Variants in TMEM132D observed in about 807,000 individuals in gnomAD.
TMEM132D encodes transmembrane protein 132D, also known as mature OL transmembrane protein.
A neutral mutation model predicts 62.3 loss-of-function variants in TMEM132D; 21 were observed. The observed-to-expected ratio is 0.34, with a 90% CI of 0.24 to 0.49. The LOEUF is 0.49. Ranked by LOEUF, TMEM132D falls within the 20% of genes least tolerant of loss-of-function variation. The pLI, the probability that TMEM132D is intolerant of heterozygous loss-of-function variation, is 0.99. For synonymous variants in TMEM132D, 621 were observed against 575.6 expected, an observed-to-expected ratio of 1.08 and a Z score of -1.13; for missense variants, 1,346 against 1,402.8, an observed-to-expected ratio of 0.96 and a Z score of 0.65.
intron 4 of TMEM132D, among the ~76,000 whole-genome samples, chr12:129,317,880 C>G (rs921321736): frequency 6.6e-6 from 1 of 152,048 alleles, no homozygotes; most frequent in South Asian, 2.1e-4. Flanking sequence ...TGGGTTAATT[C>G]AAAGATCTTG....
In TMEM132D at chr12:129,615,382, A is replaced by G. The variant is rs147047452; in HGVS notation, c.969-84177T>C. 3.2e-3 allele frequency among the ~76,000 whole-genome samples: 482 copies of G among 152,172 alleles called. 1 individual carries two copies. Among genetic ancestry groups the G allele is most frequent in the Admixed American group, 5.0e-3 (77 of 15,288 alleles). On this transcript the variant is annotated intron_variant, in intron 2 of 8. Transcript: ENST00000422113. Reference sequence around the variant, plus strand: ...GTTACAAAAGGAGGGTTTTCAGTTCATCGTCACAGATATGGTGACTTTGGC... The same window carrying G: ...GTTACAAAAGGAGGGTTTTCAGTTCGTCGTCACAGATATGGTGACTTTGGC...
chr12:129,444,501 A>T (rs968104144), intron 3 of TMEM132D, among the ~76,000 whole-genome samples: 5 of 152,208 alleles, frequency 3.3e-5, no homozygotes, highest in Non-Finnish European at 5.9e-5. Context: ...ATACATGTGC[A>T]GGTTTGTTAC....
At chr12:129,409,715 A>G (rs118111599) in intron 3 of TMEM132D, among the ~76,000 whole-genome samples, 1 of 152,358 alleles carries the variant, frequency 6.6e-6, no homozygotes, top group Admixed American at 6.5e-5. Flanking sequence ...ACTTATAAAC[A>G]GTAAAGAGTA....
At position 129,665,197 on chromosome 12, in the gene TMEM132D, TG is replaced by T. The variant is rs113335816; in HGVS notation, c.968+34612del. ...CCCAGCTTGGTTGATGGGGAGCAGG[TG>T]GGGGGGGCATCTTGGGGGTGGCAAT... On this transcript the variant is annotated intron_variant, in intron 2 of 8. Coordinates refer to ENST00000422113, the MANE Select transcript of TMEM132D (RefSeq NM_133448.3). Among the ~76,000 whole-genome samples the T allele has an allele frequency of 2.2e-3, 334 of 150,974 alleles. 3 individuals are homozygous for T. The highest frequency in any genetic ancestry group is 7.6e-3 in the African/African-American group (314 of 41,104).
intron 5 of TMEM132D, among the ~76,000 whole-genome samples, chr12:129,207,224 G>A (rs1488622591): frequency 1.3e-5 from 2 of 151,260 alleles, no homozygotes; most frequent in African/African-American, 4.9e-5. Context: ...CGGAGCTTAA[G>A]TTCCAAGGAG....
chr12:129,885,780 T>C (rs1387304008), intron 1 of TMEM132D, among the ~76,000 whole-genome samples: 2 of 152,236 alleles, frequency 1.3e-5, no homozygotes, highest in Non-Finnish European at 2.9e-5. Flanking sequence ...ATCACTCTTT[T>C]AAATGTATCC....
At chr12:129,405,029 C>A (rs2135702392) in intron 3 of TMEM132D, among the ~76,000 whole-genome samples, 1 of 152,314 alleles carries the variant, frequency 6.6e-6, no homozygotes, top group South Asian at 2.1e-4. Context: ...GATAGGACTC[C>A]TCCATGTATA....
intron 1 of TMEM132D, among the ~76,000 whole-genome samples, chr12:129,871,976 GT>G (rs920052565): frequency 1.3e-5 from 2 of 152,210 alleles, no homozygotes; most frequent in African/African-American, 4.8e-5. Context: ...GAAGGCCTGT[GT>G]GGGTCCACAC....
In TMEM132D at chr12:129,150,089, G is replaced by A. The variant is rs7974938; in HGVS notation, c.1443+59431C>T. On this transcript the variant is annotated intron_variant, in intron 5 of 8. Transcript: ENST00000422113. ...GCGCCTCCTGCAGAGAAGGGTCATC[G>A]TGTCCCAGAGGACAGCACAGGCCAG... is the stretch of plus-strand genomic sequence containing the variant. Among the ~76,000 whole-genome samples the A allele has an allele frequency of 4.8e-3, 736 of 152,380 alleles. 5 individuals are homozygous for A. Among genetic ancestry groups the A allele is most frequent in the African/African-American group, 0.016 (661 of 41,592 alleles).
At chr12:129,130,935 G>T (rs1165170244) in intron 5 of TMEM132D, among the ~76,000 whole-genome samples, 1 of 152,184 alleles carries the variant, frequency 6.6e-6, no homozygotes, top group Non-Finnish European at 1.5e-5. Context: ...AAAAATGCCA[G>T]TTCTCAGGTC....
intron 1 of TMEM132D, among the ~76,000 whole-genome samples, chr12:129,778,917 C>T (rs536845839): frequency 6.6e-6 from 1 of 152,268 alleles, no homozygotes; most frequent in East Asian, 1.9e-4. Flanking sequence ...TTGTGAATAA[C>T]AGGACAATGA....
At chr12:129,154,937 G>T (rs1015628151) in intron 5 of TMEM132D, among the ~76,000 whole-genome samples, 11 of 152,160 alleles carry the variant, frequency 7.2e-5, no homozygotes, top group East Asian at 5.8e-4. Context: ...GTATGTTTTA[G>T]ATCATGTTTA....
intron 3 of TMEM132D, among the ~76,000 whole-genome samples, chr12:129,392,836 C>A (rs1871324363): frequency 6.6e-6 from 1 of 152,184 alleles, no homozygotes; most frequent in Non-Finnish European, 1.5e-5. Flanking sequence ...ACAAAAACTA[C>A]CAGGTAATTC....
At chr12:129,245,058 A>C (rs12424531) in intron 4 of TMEM132D, among the ~76,000 whole-genome samples, 44,012 of 152,080 alleles carry the variant, frequency 0.29, 6,784 homozygotes, top group African/African-American at 0.4. Flanking sequence ...ATCAATCCTG[A>C]TATATTACTA....
intron 1 of TMEM132D, among the ~76,000 whole-genome samples, chr12:129,783,572 A>C (rs967758447): frequency 1.3e-5 from 2 of 152,146 alleles, no homozygotes; most frequent in Admixed American, 6.5e-5. Context: ...TGATGTGCAG[A>C]GGGAGTGCTG....
chr12:129,096,380 G>A (rs900108600), intron 5 of TMEM132D, among the ~76,000 whole-genome samples: 16 of 152,236 alleles, frequency 1.1e-4, no homozygotes. Context: ...GAAGGAGGAA[G>A]GGAAGGACCC....
At chr12:129,795,813 T>G (rs1376796) in intron 1 of TMEM132D, among the ~76,000 whole-genome samples, 89,371 of 151,992 alleles carry the variant, frequency 0.59, 27,786 homozygotes, top group Non-Finnish European at 0.71. Context: ...GTCATTAATG[T>G]GTTATATTAT....
intron 2 of TMEM132D, among the ~76,000 whole-genome samples, chr12:129,600,753 C>A (rs1878462816): frequency 6.6e-6 from 1 of 152,094 alleles, no homozygotes; most frequent in African/African-American, 2.4e-5. Flanking sequence ...TTCTGAGCAA[C>A]AGATCTCAAC....
intron 5 of TMEM132D, among the ~76,000 whole-genome samples, chr12:129,126,900 G>C (rs142842997): frequency 3.9e-5 from 6 of 152,198 alleles, no homozygotes; most frequent in African/African-American, 1.4e-4. Flanking sequence ...ACACTGGCAC[G>C]CTGAGATGCC....
Sources: allele counts gnomAD v4.1 joint callset (sites outside exome capture counted in the v4.1 genomes callset), GRCh38; gene constraint gnomAD v4.1.1; transcripts MANE v1.5; gene names NCBI Gene and HGNC (gene_info 2026-07-23, HGNC 2026-07-21).